Variants in VPS13B observed in about 807,000 individuals in gnomAD.
VPS13B encodes the protein intermembrane lipid transfer protein VPS13B.
VPS13B carries 285 observed loss-of-function variants against 426.4 expected under a neutral mutation model. That is an observed-to-expected ratio of 0.67 (90% CI 0.61 to 0.74). The LOEUF is 0.74. Among genes scored for constraint, VPS13B ranks in the 30% least tolerant of loss-of-function variants. The pLI is 0.00. For missense variants in VPS13B, 4,537 were observed against 4,782.6 expected, an observed-to-expected ratio of 0.95 and a Z score of 1.51; for synonymous variants, 1,676 against 1,676.4, an observed-to-expected ratio of 1.00 and a Z score of 0.01.
chr8:99,801,661 C>T (rs1056180441), intron 43 of VPS13B, among the ~76,000 whole-genome samples: 3 of 152,126 alleles, frequency 2.0e-5, no homozygotes, highest in Non-Finnish European at 2.9e-5. Flanking sequence ...AGCAGAACAC[C>T]TCAGAAGCCC....
At chr8:99,591,280 A>G (rs571157060) in intron 33 of VPS13B, among the ~76,000 whole-genome samples, 26 of 150,746 alleles carry the variant, frequency 1.7e-4, no homozygotes, top group African/African-American at 6.3e-4. Context: ...AATCCAGCAC[A>G]TTGACGGGTC....
Position 99,853,890 on chromosome 8 carries a change from T to C in VPS13B, c.10501T>C (p.Leu3501=), listed in dbSNP as rs1385686343. The change falls in exon 56 of 62, where the codon TTA becomes CTA. Residue 3501 remains leucine (L), a synonymous_variant. Transcript: ENST00000357162. ...TGATATTAATGAGTTCAGCTTTGAA[T>C]TAAAACCTGCTCGGTTATACGTGGA... is the stretch of plus-strand genomic sequence containing the variant. The part of the protein sequence containing the change: ...LCDINEFSFE[L]KPARLYVEDT... The C allele has an allele frequency of 1.2e-6, 2 of 1,614,258 alleles. No homozygotes were observed. The highest frequency in any genetic ancestry group is 1.7e-6 in the Non-Finnish European group (2 of 1,180,052).
chr8:99,667,408 G>A (rs1201854113), intron 35 of VPS13B, among the ~76,000 whole-genome samples: 1 of 152,150 alleles, frequency 6.6e-6, no homozygotes, highest in Admixed American at 6.5e-5. Context: ...AAGATGAATG[G>A]TTTTTAGAAT....
At chr8:99,731,880 A>G (rs1833615205) in intron 39 of VPS13B, among the ~76,000 whole-genome samples, 2 of 151,856 alleles carry the variant, frequency 1.3e-5, no homozygotes, top group South Asian at 4.1e-4. Context: ...GAGGTGCTTT[A>G]CACACATTCT....
chr8:99,834,757 G>T (rs1325103181), intron 52 of VPS13B, among the ~76,000 whole-genome samples: 1 of 152,074 alleles, frequency 6.6e-6, no homozygotes, highest in African/African-American at 2.4e-5. Context: ...ATGGGGTTTT[G>T]CCCTTTTGCT....
At chr8:99,800,175 T>G (rs1416116732) in intron 43 of VPS13B, among the ~76,000 whole-genome samples, 1 of 152,188 alleles carries the variant, frequency 6.6e-6, no homozygotes, top group Non-Finnish European at 1.5e-5. Context: ...TGTGAATTAT[T>G]TCAGATTTTA....
Position 99,875,730 on chromosome 8 carries a change from T to G in VPS13B, c.*64T>G. On this transcript the variant is annotated 3_prime_UTR_variant, in exon 62 of 62. Transcript: ENST00000357162. ...GTTTTTGGGTTTCTTTGAGACAGGGTCTCACTGCATTGCCCTTGCTGACCT... is the reference window on the plus strand; with the variant it reads ...GTTTTTGGGTTTCTTTGAGACAGGGGCTCACTGCATTGCCCTTGCTGACCT... 7 of 1,605,682 alleles carry G rather than the reference T, an allele frequency of 4.4e-6. No individual in the cohort carries two copies. Among genetic ancestry groups the G allele is most frequent in the Middle Eastern group, 1.7e-4 (1 of 6,032 alleles).
At chr8:99,441,866 C>T (rs1588383981) in intron 22 of VPS13B, among the ~76,000 whole-genome samples, 1 of 151,938 alleles carries the variant, frequency 6.6e-6, no homozygotes, top group East Asian at 1.9e-4. Context: ...TGTATGTATA[C>T]TTGAATCATT....
At chr8:99,429,622 T>G (rs1354597328) in intron 21 of VPS13B, 1 of 152,224 alleles carries the variant, frequency 6.6e-6, no homozygotes, top group Non-Finnish European at 1.5e-5. Context: ...CTTTGCTTTC[T>G]CTTGTACTAT....
chr8:99,833,774 T>G (rs558078896), intron 52 of VPS13B, among the ~76,000 whole-genome samples: 4 of 152,214 alleles, frequency 2.6e-5, no homozygotes, highest in Non-Finnish European at 5.9e-5. Context: ...TACAGTATAA[T>G]TTAATCTTAT....
intron 39 of VPS13B, among the ~76,000 whole-genome samples, chr8:99,764,879 A>G (rs1184302911): frequency 6.6e-6 from 1 of 152,200 alleles, no homozygotes; most frequent in Non-Finnish European, 1.5e-5. Context: ...ATATACATAT[A>G]TATGTGTGCA....
At chr8:99,049,358 G>A (rs1843403755) in intron 3 of VPS13B, among the ~76,000 whole-genome samples, 2 of 151,198 alleles carry the variant, frequency 1.3e-5, no homozygotes, top group South Asian at 4.2e-4. Flanking sequence ...TGGCTTGGTA[G>A]TGGCAAATTA....
intron 4 of VPS13B, among the ~76,000 whole-genome samples, chr8:99,100,316 G>T (rs1846663415): frequency 6.6e-6 from 1 of 152,096 alleles, no homozygotes; most frequent in African/African-American, 2.4e-5. Context: ...TTGAGACACG[G>T]TTTCACTCCT....
intron 3 of VPS13B, among the ~76,000 whole-genome samples, chr8:99,046,675 G>T (rs1428127842): frequency 6.6e-6 from 1 of 152,028 alleles, no homozygotes; most frequent in Admixed American, 6.6e-5. Context: ...CGTTGGCTGT[G>T]GGTTTGTCAT....
Position 99,720,933 on chromosome 8 carries a change from G to A in VPS13B, c.6936G>A (p.Met2312Ile). ...YNETEDCPGM[M>I]LWRYPEPRVL... is the part of the protein sequence containing the mutation. The stretch of plus-strand genomic sequence containing the variant: ...AAACTGAAGATTGCCCAGGGATGAT[G>A]TTATGGAGATATCCAGAACCTAGAG... Residue 2312 changes from methionine to isoleucine, a missense_variant, in exon 39 of 62, where the codon ATG (methionine) becomes ATA (isoleucine). By Grantham distance (10) the Met-to-Ile change is conservative. Transcript: ENST00000357162. The A allele has an allele frequency of 5.0e-6, 8 of 1,613,992 alleles. No individual in the cohort carries two copies. The highest frequency in any genetic ancestry group is 1.7e-5 in the Admixed American group (1 of 60,010).
chr8:99,500,255 G>A (rs1479296011), intron 25 of VPS13B, among the ~76,000 whole-genome samples: 1 of 152,052 alleles, frequency 6.6e-6, no homozygotes, highest in Non-Finnish European at 1.5e-5. Context: ...TAATATTTTT[G>A]TTTGAGACAT....
Position 99,861,826 on chromosome 8 carries a change from G to T in VPS13B, c.11095G>T (p.Asp3699Tyr). Residue 3699 changes from aspartate (D) to tyrosine (Y), a missense_variant, in exon 58 of 62, where the codon GAC (aspartate) becomes TAC (tyrosine). Asp to Tyr is a radical substitution (Grantham distance 160). Around this residue, in one of 2 missense-constraint regions of VPS13B, gnomAD observed 4,311 missense variants for 4,474.3 expected, o/e 0.96. Coordinates refer to ENST00000357162, the MANE Select transcript of VPS13B (RefSeq NM_152564.5). ...CGCCACAAGCCTGGCCCGGAACATG[G>T]ACCGGCTCTCACTGGATGAGGAGCA... The part of the protein sequence containing the change: ...NLATSLARNM[D>Y]RLSLDEEHYN... 6.3e-7 allele frequency: 1 copy of T among 1,599,242 alleles called. No homozygotes were observed. The highest frequency in any genetic ancestry group is 8.5e-7 in the Non-Finnish European group (1 of 1,173,348).
intron 34 of VPS13B, among the ~76,000 whole-genome samples, chr8:99,652,613 G>A (rs796201451): frequency 6.6e-6 from 1 of 151,668 alleles, no homozygotes; most frequent in African/African-American, 2.4e-5. Context: ...TTGAGTAAAC[G>A]AACAGTTGAA....
chr8:99,115,231 G>C (rs1847594486), intron 6 of VPS13B, among the ~76,000 whole-genome samples: 1 of 152,008 alleles, frequency 6.6e-6, no homozygotes, highest in African/African-American at 2.4e-5. Context: ...TATGGTTTTA[G>C]GATGTATATG....
Sources: gnomAD v4.1 joint callset for allele counts (sites outside exome capture counted in the v4.1 genomes callset) on GRCh38, gnomAD v4.1.1 for gene constraint, gnomAD v4.1.1 regional missense constraint, MANE v1.5 for transcripts, NCBI Gene and HGNC (gene_info 2026-07-23, HGNC 2026-07-21) for gene names.